FOXP1: variants seen among roughly 807,000 people sequenced by gnomAD.
FOXP1 encodes the protein forkhead box protein P1.
In FOXP1, 15 loss-of-function variants were observed where a neutral mutation model predicts 98.2. That is an observed-to-expected ratio of 0.15 (90% CI 0.10 to 0.24). FOXP1 has a LOEUF of 0.24. Ranked by LOEUF, FOXP1 falls within the 10% of genes least tolerant of loss-of-function variation. The probability of loss-of-function intolerance (pLI) is 1.00; values close to 1 mark genes in which losing one functional copy is unlikely to be tolerated. For synonymous variants in FOXP1, 371 were observed against 314.5 expected, an observed-to-expected ratio of 1.18 and a Z score of -1.90; for missense variants, 633 against 848.5, an observed-to-expected ratio of 0.75 and a Z score of 3.15.
intron 19 of FOXP1, among the ~76,000 whole-genome samples, chr3:70,966,585 C>T (rs1218260951): frequency 1.3e-5 from 2 of 152,024 alleles, no homozygotes; most frequent in African/African-American, 4.8e-5. Context: ...TTTTTATCTC[C>T]TCCCATCATT....
intron 20 of FOXP1, among the ~76,000 whole-genome samples, chr3:70,964,539 C>G (rs933030306): frequency 6.6e-6 from 1 of 152,156 alleles, no homozygotes; most frequent in Non-Finnish European, 1.5e-5. Flanking sequence ...TACCAATTTA[C>G]GTTTGCTCTG....
In FOXP1 at chr3:70,992,526, T is replaced by C. The variant is rs563055758; in HGVS notation, c.1063-4449A>G. Among the ~76,000 whole-genome samples, 11 of 152,306 alleles carry C rather than the reference T, an allele frequency of 7.2e-5. 1 individual carries two copies. The South Asian group carries it at 1.7e-3, about 23-fold the overall frequency. ...ATTTTTGACCCACCTTGTCAAACTA[T>C]GGCTTCAGAACTTAGTACCAGTGAA... On this transcript the variant is annotated intron_variant, in intron 13 of 20. Coordinates refer to ENST00000649528, the MANE Select transcript of FOXP1 (RefSeq NM_001349338.3).
rs781692964 is a variant in FOXP1, at chr3:71,245,634, G to C, written c.-11-47242C>G. On this transcript the variant is annotated intron_variant, in intron 5 of 20. Coordinates refer to ENST00000649528, the MANE Select transcript of FOXP1 (RefSeq NM_001349338.3). ...TTAGAAGTACCTGCTAAATAAATCA[G>C]ATTTTTAAAGAACAAGACCGTTACC... is the stretch of plus-strand genomic sequence containing the variant. Among the ~76,000 whole-genome samples the C allele has an allele frequency of 1.4e-4, 17 of 120,576 alleles. 1 individual carries two copies. In the Middle Eastern group the frequency reaches 0.021, roughly 150 times the overall value. The allele number at this position is 120,576 out of a possible 152,430, so 79.1% of individuals were successfully genotyped here. A position where few individuals can be genotyped will look rare whatever the true frequency, so the allele number is the denominator to read the frequency against.
At chr3:71,074,320 G>A (rs890053715) in intron 7 of FOXP1, among the ~76,000 whole-genome samples, 16 of 152,056 alleles carry the variant, frequency 1.1e-4, no homozygotes, top group African/African-American at 3.4e-4. Context: ...TTCTGCCTCC[G>A]GGTTCAAGCG....
At chr3:71,380,022 G>A (rs1300580334) in intron 3 of FOXP1, among the ~76,000 whole-genome samples, 2 of 152,172 alleles carry the variant, frequency 1.3e-5, no homozygotes, top group Non-Finnish European at 2.9e-5. Flanking sequence ...AGTATAGGTG[G>A]TATTTAGATC....
intron 14 of FOXP1, among the ~76,000 whole-genome samples, chr3:70,986,127 T>C (rs1366850506): frequency 6.6e-6 from 1 of 152,162 alleles, no homozygotes; most frequent in Non-Finnish European, 1.5e-5. Context: ...TTTTTTTTAA[T>C]ACTAATCAAG....
At chr3:71,284,594 T>C (rs2071913846) in intron 5 of FOXP1, among the ~76,000 whole-genome samples, 1 of 152,130 alleles carries the variant, frequency 6.6e-6, no homozygotes, top group Admixed American at 6.5e-5. Flanking sequence ...TGCACAAATA[T>C]GCCAACTGCA....
intron 5 of FOXP1, among the ~76,000 whole-genome samples, chr3:71,209,140 GGTCA>G (rs1160190675): frequency 6.6e-6 from 1 of 152,118 alleles, no homozygotes; most frequent in African/African-American, 2.4e-5. Context: ...AAGAAAAAGA[GGTCA>G]GTCACCCCAA....
intron 5 of FOXP1, among the ~76,000 whole-genome samples, chr3:71,198,741 G>A (rs2108386165): frequency 6.6e-6 from 1 of 151,382 alleles, no homozygotes; most frequent in Middle Eastern, 3.4e-3. Context: ...CGCCCAGGCT[G>A]GAGTGCAGCG....
intron 3 of FOXP1, among the ~76,000 whole-genome samples, chr3:71,466,018 A>G (rs2088690696): frequency 6.6e-6 from 1 of 152,196 alleles, no homozygotes; most frequent in Non-Finnish European, 1.5e-5. Flanking sequence ...ACTGTCTTCC[A>G]TGAAACAAGT....
intron 18 of FOXP1, chr3:70,971,189 G>A (rs1018211412): frequency 1.3e-5 from 4 of 297,572 alleles, no homozygotes; most frequent in African/African-American, 2.2e-5. Flanking sequence ...TGCTGGGCAC[G>A]AGCAGAGAGA....
At chr3:71,419,868 G>C (rs2083496982) in intron 3 of FOXP1, among the ~76,000 whole-genome samples, 1 of 152,070 alleles carries the variant, frequency 6.6e-6, no homozygotes, top group Non-Finnish European at 1.5e-5. Context: ...AGGCTAGAGT[G>C]CAGAGGCGTG....
At chr3:71,204,683 A>T (rs904211902) in intron 5 of FOXP1, among the ~76,000 whole-genome samples, 1 of 152,220 alleles carries the variant, frequency 6.6e-6, no homozygotes, top group African/African-American at 2.4e-5. Flanking sequence ...AAGGAAGCAG[A>T]CAGAAAGATG....
intron 11 of FOXP1, among the ~76,000 whole-genome samples, chr3:71,033,054 C>T (rs1480303632): frequency 5.9e-5 from 9 of 152,132 alleles, no homozygotes; most frequent in Non-Finnish European, 1.3e-4. Flanking sequence ...GGCTGGTTCT[C>T]ACTCTTCTCC....
At chr3:71,004,443 T>C (rs956864752) in intron 12 of FOXP1, among the ~76,000 whole-genome samples, 5 of 152,122 alleles carry the variant, frequency 3.3e-5, no homozygotes, top group Admixed American at 6.6e-5. Context: ...GTAACACCAA[T>C]AAAATGAAAA....
At chr3:71,475,775 G>A (rs879762136) in intron 3 of FOXP1, among the ~76,000 whole-genome samples, 11 of 152,128 alleles carry the variant, frequency 7.2e-5, no homozygotes, top group Non-Finnish European at 1.5e-4. Flanking sequence ...CCGGGAGGCG[G>A]AGGTTGCAGT....
At chr3:71,505,087 T>C (rs1465621804) in intron 2 of FOXP1, among the ~76,000 whole-genome samples, 1 of 152,136 alleles carries the variant, frequency 6.6e-6, no homozygotes, top group Non-Finnish European at 1.5e-5. Context: ...TAACCACCAG[T>C]GAATACTACT....
intron 5 of FOXP1, among the ~76,000 whole-genome samples, chr3:71,242,895 A>C (rs2067407670): frequency 6.6e-6 from 1 of 152,220 alleles, no homozygotes; most frequent in Admixed American, 6.5e-5. Flanking sequence ...CGAAGAATCC[A>C]TTAAAGCTTA....
Sources: gnomAD v4.1 joint callset for allele counts (sites outside exome capture counted in the v4.1 genomes callset) on GRCh38, gnomAD v4.1.1 for gene constraint, MANE v1.5 for transcripts, NCBI Gene and HGNC (gene_info 2026-07-23, HGNC 2026-07-21) for gene names.